The following PUDP variants were observed in gnomAD, a reference collection of about 807,000 sequenced individuals.
The protein encoded by PUDP is pseudouridine-5'-phosphatase.
In PUDP, 8 loss-of-function variants were observed where a neutral mutation model predicts 9.4. That is an observed-to-expected ratio of 0.85 (90% CI 0.50 to 1.53). PUDP has a LOEUF of 1.53. Among genes scored for constraint, PUDP ranks in the 40% most tolerant of loss-of-function variants. PUDP has a pLI of 0.00. For synonymous variants in PUDP, 99 were observed against 80.7 expected (o/e 1.23, Z -1.22); for missense variants, 188 against 189.7 (o/e 0.99, Z 0.05).
chrX:7,132,069 C>T (rs779507006), intron 1 of PUDP, among the ~76,000 whole-genome samples: 13 of 109,945 alleles, frequency 1.2e-4, no homozygotes, highest in Non-Finnish European at 2.3e-4. Context: ...CAGATCATGT[C>T]CACCCCCGCC....
intron 3 of PUDP, among the ~76,000 whole-genome samples, chrX:6,868,988 G>C (rs1429157129): frequency 1.8e-5 from 2 of 112,036 alleles, no homozygotes; most frequent in Admixed American, 9.5e-5. Context: ...AATTACTAAA[G>C]GTTCTCTGTA....
chrX:7,064,152 C>A (rs1930482457), intron 3 of PUDP, among the ~76,000 whole-genome samples: 1 of 111,325 alleles, frequency 9.0e-6, no homozygotes, highest in African/African-American at 3.3e-5. Flanking sequence ...TGCACTGGAA[C>A]TTCCTTCTCA....
intron 1 of PUDP, chrX:6,989,917 C>A (rs1258727764): frequency 9.0e-6 from 1 of 111,414 alleles, no homozygotes; most frequent in Non-Finnish European, 1.9e-5. Flanking sequence ...TGGTTATGTT[C>A]GGAGCTAGCA....
At chrX:6,761,268 G>C (rs769166699) in intron 3 of PUDP, among the ~76,000 whole-genome samples, 125 of 111,830 alleles carry the variant, frequency 1.1e-3, no homozygotes, top group African/African-American at 4.0e-3. Context: ...AAAAGACAAG[G>C]GACTTACACT....
At chrX:6,739,631 G>T (rs190740309) in intron 3 of PUDP, among the ~76,000 whole-genome samples, 2 of 111,977 alleles carry the variant, frequency 1.8e-5, no homozygotes, top group East Asian at 5.6e-4. Flanking sequence ...TGTCAATAGT[G>T]TCAAGGCTGA....
intron 1 of PUDP, among the ~76,000 whole-genome samples, chrX:7,141,117 T>C (rs1420729261): frequency 8.9e-6 from 1 of 111,925 alleles, no homozygotes; most frequent in South Asian, 3.7e-4. Context: ...AACCCTACAA[T>C]GGCCTCTAAG....
chrX:6,821,967 C>T (rs1165288141), intron 3 of PUDP, among the ~76,000 whole-genome samples: 1 of 111,926 alleles, frequency 8.9e-6, no homozygotes, highest in African/African-American at 3.3e-5. Flanking sequence ...ACACCTAGTC[C>T]AACCAATTTT....
intron 3 of PUDP, among the ~76,000 whole-genome samples, chrX:6,952,139 A>G (rs1022997877): frequency 8.9e-6 from 1 of 112,106 alleles, no homozygotes; most frequent in African/African-American, 3.2e-5. Flanking sequence ...TATTGAGAAA[A>G]TGGAATATCA....
At chrX:7,053,352 A>C (rs1378932419) in intron 3 of PUDP, among the ~76,000 whole-genome samples, 5 of 111,704 alleles carry the variant, frequency 4.5e-5, no homozygotes, top group Non-Finnish European at 7.5e-5. Context: ...ACTCACCTAA[A>C]GGGGGTCATA....
chrX:7,105,375 T>C (rs1285149070), intron 2 of PUDP, among the ~76,000 whole-genome samples: 1 of 111,153 alleles, frequency 9.0e-6, no homozygotes, highest in Non-Finnish European at 1.9e-5. Flanking sequence ...TACTCAAATG[T>C]TTTTGGAACC....
chrX:6,902,076 G>A (rs1017358594), intron 3 of PUDP, among the ~76,000 whole-genome samples: 1 of 110,329 alleles, frequency 9.1e-6, no homozygotes, highest in Non-Finnish European at 1.9e-5. Flanking sequence ...CGGGGGGCGG[G>A]GGTCTCACTG....
chrX:6,720,135 C>T (rs1445392087), intron 1 of PUDP, among the ~76,000 whole-genome samples: 15 of 95,897 alleles, frequency 1.6e-4, no homozygotes, highest in East Asian at 6.5e-4. Flanking sequence ...TATATATATA[C>T]GTGTGTATAT....
chrX:6,714,552 TGATA>T (rs66476279), intron 1 of PUDP, among the ~76,000 whole-genome samples: 11,150 of 104,838 alleles, frequency 0.11, 444 homozygotes, highest in South Asian at 0.18. Flanking sequence ...TATATAGATA[TGATA>T]GATAGATACA....
At chrX:6,997,080 A>C (rs1474248338) in intron 1 of PUDP, among the ~76,000 whole-genome samples, 2 of 112,324 alleles carry the variant, frequency 1.8e-5, no homozygotes, top group African/African-American at 6.5e-5. Context: ...TATTAGCAGA[A>C]AATCCCACAA....
chrX:7,068,524 C>G (rs1037305157), intron 3 of PUDP, among the ~76,000 whole-genome samples: 3 of 111,929 alleles, frequency 2.7e-5, no homozygotes, highest in African/African-American at 9.8e-5. Context: ...CTGCTACCTA[C>G]AGCCTCAATT....
intron 1 of PUDP, among the ~76,000 whole-genome samples, chrX:6,713,026 G>T (rs1294642127): frequency 9.0e-6 from 1 of 111,718 alleles, no homozygotes; most frequent in Admixed American, 9.5e-5. Context: ...CAGCTTGGGT[G>T]ACAAAGCCAG....
chrX:6,876,265 G>A (rs1927250470), intron 3 of PUDP, among the ~76,000 whole-genome samples: 1 of 111,607 alleles, frequency 9.0e-6, no homozygotes, highest in South Asian at 3.8e-4. Context: ...GCTAATGTGA[G>A]TGTTCTGAAC....
chrX:7,136,498 A>G (rs1271803754), intron 1 of PUDP, among the ~76,000 whole-genome samples: 1 of 112,306 alleles, frequency 8.9e-6, no homozygotes, highest in Non-Finnish European at 1.9e-5. Flanking sequence ...GGGATCCCAA[A>G]ATGGTGACCT....
chrX:6,828,940 T>A (rs1220860815), intron 3 of PUDP, among the ~76,000 whole-genome samples: 1 of 111,350 alleles, frequency 9.0e-6, no homozygotes, highest in Non-Finnish European at 1.9e-5. Context: ...ATTCACCTAC[T>A]GATATGGACT....
Sources: gnomAD v4.1 joint callset for allele counts (sites outside exome capture counted in the v4.1 genomes callset) on GRCh38, gnomAD v4.1.1 for gene constraint, MANE v1.5 for transcripts, NCBI Gene and HGNC (gene_info 2026-07-23, HGNC 2026-07-21) for gene names.